SYNPR: variants seen among roughly 807,000 people sequenced by gnomAD.
SYNPR encodes the protein synaptoporin.
A neutral mutation model predicts 32.9 loss-of-function variants in SYNPR; 23 were observed. The observed-to-expected ratio is 0.70, with a 90% CI of 0.50 to 0.99. The LOEUF (loss-of-function observed/expected upper bound fraction) is 0.99. SYNPR is among the 50% of genes least tolerant of loss of function. The pLI is 0.00. For missense variants in SYNPR, 318 were observed against 349.3 expected (o/e 0.91, Z 0.71); for synonymous variants, 146 against 135.9 (o/e 1.07, Z -0.52).
At chr3:63,380,248 C>T (rs1352394458) in intron 2 of SYNPR, among the ~76,000 whole-genome samples, 1 of 152,124 alleles carries the variant, frequency 6.6e-6, no homozygotes, top group Admixed American at 6.5e-5. Flanking sequence ...TTCTAGATCC[C>T]TGAGGAATCA....
At chr3:63,219,149 T>C in the SYNPR span, among the ~76,000 whole-genome samples, 23 of 152,160 alleles carry the variant, frequency 1.5e-4, no homozygotes, top group African/African-American at 7.2e-5. Context: ...CTTGTACATG[T>C]ATAGTAGTCA....
intron 2 of SYNPR, among the ~76,000 whole-genome samples, chr3:63,324,846 T>C (rs534408211): frequency 1.3e-5 from 2 of 152,058 alleles, no homozygotes; most frequent in East Asian, 3.9e-4. Flanking sequence ...GGCCAGATGG[T>C]GACGGGTAAC....
chr3:63,514,421 G>C (rs1211241365), intron 3 of SYNPR, among the ~76,000 whole-genome samples: 2 of 152,172 alleles, frequency 1.3e-5, no homozygotes, highest in African/African-American at 4.8e-5. Flanking sequence ...ATCTCTGCCT[G>C]TTGTCCCTGC....
intron 2 of SYNPR, among the ~76,000 whole-genome samples, chr3:63,317,058 A>T (rs1398904512): frequency 6.6e-6 from 1 of 151,060 alleles, no homozygotes; most frequent in Non-Finnish European, 1.5e-5. Context: ...TTCCTTTTGG[A>T]GTTGATTTCC....
intron 1 of SYNPR, among the ~76,000 whole-genome samples, chr3:63,247,283 G>A (rs1374837812): frequency 6.6e-6 from 1 of 150,984 alleles, no homozygotes. Context: ...TTTCCTGTCT[G>A]GTCCTGCACA....
At chr3:63,453,805 A>G (rs1030566419) in intron 2 of SYNPR, among the ~76,000 whole-genome samples, 1 of 152,150 alleles carries the variant, frequency 6.6e-6, no homozygotes, top group Admixed American at 6.6e-5. Flanking sequence ...GAAAGAGAGC[A>G]GCTCTTTTGA....
chr3:63,292,861 T>C lies in SYNPR; in HGVS notation c.84+14119T>C, dbSNP rs74366857. Among the ~76,000 whole-genome samples the C allele has an allele frequency of 9.2e-3, 1,394 of 152,312 alleles. 26 individuals carry two copies. Among genetic ancestry groups the C allele is most frequent in the African/African-American group, 0.03 (1,267 of 41,578 alleles). ...AAAGAGCAGTTCTACGTAACTGGAA[T>C]GAATTTGAGTGGGACAGTAAAATTA... is the stretch of plus-strand genomic sequence containing the variant. On this transcript the variant is annotated intron_variant, in intron 2 of 5. Coordinates refer to ENST00000478300, the MANE Select transcript of SYNPR (RefSeq NM_001130003.2).
At chr3:63,450,174 C>T (rs1700351830) in intron 2 of SYNPR, among the ~76,000 whole-genome samples, 1 of 152,074 alleles carries the variant, frequency 6.6e-6, no homozygotes, top group Admixed American at 6.6e-5. Flanking sequence ...CTTAGAGTCT[C>T]CCCAGTAGTT....
chr3:63,517,942 C>A (rs1701831597), intron 3 of SYNPR, among the ~76,000 whole-genome samples: 1 of 152,134 alleles, frequency 6.6e-6, no homozygotes, highest in Non-Finnish European at 1.5e-5. Flanking sequence ...GCAAGGGCAA[C>A]AATACGTGCA....
intron 2 of SYNPR, among the ~76,000 whole-genome samples, chr3:63,444,877 T>A (rs1197761656): frequency 6.6e-6 from 1 of 151,572 alleles, no homozygotes; most frequent in Non-Finnish European, 1.5e-5. Context: ...CTGGTCCCAA[T>A]AAGCATGTGC....
intron 3 of SYNPR, among the ~76,000 whole-genome samples, chr3:63,547,404 C>T (rs1230792711): frequency 6.6e-6 from 1 of 152,084 alleles, no homozygotes; most frequent in Non-Finnish European, 1.5e-5. Context: ...GCCTTTTCTA[C>T]CCCAAATAGA....
chr3:63,297,551 G>A (rs2086801829), intron 2 of SYNPR, among the ~76,000 whole-genome samples: 1 of 152,184 alleles, frequency 6.6e-6, no homozygotes, highest in Non-Finnish European at 1.5e-5. Flanking sequence ...AAGTCACAAA[G>A]ATTGTGCAAT....
intron 4 of SYNPR, among the ~76,000 whole-genome samples, chr3:63,578,862 T>C (rs1703039755): frequency 6.6e-6 from 1 of 151,872 alleles, no homozygotes; most frequent in Admixed American, 6.6e-5. Flanking sequence ...ACTGGTAGAG[T>C]TTGCTTTGCT....
At chr3:63,224,902 T>A (rs184719733), upstream of SYNPR, among the ~76,000 whole-genome samples, 32 of 152,326 alleles carry the variant, frequency 2.1e-4, no homozygotes, top group East Asian at 4.3e-3. Context: ...TATTCCCTCT[T>A]GTGCTCATTG....
chr3:63,465,013 T>C (rs1026326463), intron 2 of SYNPR, among the ~76,000 whole-genome samples: 2 of 152,180 alleles, frequency 1.3e-5, no homozygotes, highest in Non-Finnish European at 2.9e-5. Flanking sequence ...ACTCCACTTA[T>C]CACTGGTACT....
intron 2 of SYNPR, among the ~76,000 whole-genome samples, chr3:63,310,746 A>G (rs4688392): frequency 0.46 from 69,111 of 151,836 alleles, 15,936 homozygotes; most frequent in Middle Eastern, 0.53. Context: ...TGAGACCTGG[A>G]TATGAATTCC....
chr3:63,359,310 T>C (rs6764956), intron 2 of SYNPR, among the ~76,000 whole-genome samples: 126,777 of 152,168 alleles, frequency 0.83, 52,921 homozygotes, highest in East Asian at 0.98. Flanking sequence ...AGAATTTGAA[T>C]GTGAATTAAA....
chr3:63,406,656 T>C (rs920008710), intron 2 of SYNPR, among the ~76,000 whole-genome samples: 1 of 152,124 alleles, frequency 6.6e-6, no homozygotes, highest in African/African-American at 2.4e-5. Flanking sequence ...AAACAAAAGT[T>C]CCCAAAGTGG....
intron 4 of SYNPR, chr3:63,561,560 C>T (rs147270968): frequency 7.4e-4 from 113 of 152,136 alleles, no homozygotes; most frequent in African/African-American, 2.6e-3. Context: ...AAATCAAGCT[C>T]ATAATCCCTA....
Sources: allele counts gnomAD v4.1 joint callset (sites outside exome capture counted in the v4.1 genomes callset), GRCh38; gene constraint gnomAD v4.1.1; transcripts MANE v1.5; gene names NCBI Gene and HGNC (gene_info 2026-07-23, HGNC 2026-07-21).